The following CELSR1 variants were observed in gnomAD, a reference collection of about 807,000 sequenced individuals.
CELSR1 encodes cadherin EGF LAG seven-pass G-type receptor 1.
In CELSR1, 110 loss-of-function variants were observed where a neutral mutation model predicts 249.1. That is an observed-to-expected ratio of 0.44 (90% confidence interval 0.38 to 0.52). CELSR1 has a LOEUF of 0.52. Ranked by LOEUF, CELSR1 falls within the 20% of genes least tolerant of loss-of-function variation. The pLI is 0.00. For missense variants in CELSR1, 4,109 were observed against 4,296.4 expected, an observed-to-expected ratio of 0.96 and a Z score of 1.22; for synonymous variants, 2,113 against 1,900.0, an observed-to-expected ratio of 1.11 and a Z score of -2.92.
In CELSR1 at chr22:46,373,322, T is replaced by G. The variant is rs1192700507; in HGVS notation, c.7585-265A>C. On this transcript the variant is annotated intron_variant, in intron 24 of 34. Transcript: ENST00000674500. ...TGTGAGAATGACAGAGAGAGACTAG[T>G]CTCTGAGGCCATGAACACAAACCCA... is the stretch of plus-strand genomic sequence containing the variant. Among the ~76,000 whole-genome samples the G allele has an allele frequency of 2.6e-5, 4 of 151,744 alleles. No homozygotes were observed. In the East Asian group the frequency reaches 7.8e-4, roughly 30 times the overall value.
At position 46,411,788 on chromosome 22, in the gene CELSR1, C is replaced by T. The variant is rs1375395066; in HGVS notation, c.4612-29G>A. Reference sequence around the variant, plus strand: ...TAAGAAGAGAAAGCACAGAAGGTGTCAGCGTTTTCTCCACCAGTGCCCTCA... The same window carrying T: ...TAAGAAGAGAAAGCACAGAAGGTGTTAGCGTTTTCTCCACCAGTGCCCTCA... On this transcript the variant is annotated intron_variant, in intron 5 of 34. Coordinates refer to ENST00000674500, the MANE Select transcript of CELSR1 (RefSeq NM_001378328.1). This position sits in a 1 kb window ranked among gnomAD's most constrained non-coding sequence, Gnocchi z 4.2. 6.2e-7 allele frequency: 1 copy of T among 1,612,746 alleles called. No individual in the cohort carries two copies. The highest frequency in any genetic ancestry group is 8.5e-7 in the Non-Finnish European group (1 of 1,179,924).
intron 1 of CELSR1, among the ~76,000 whole-genome samples, chr22:46,492,003 C>T (rs774688649): frequency 1.4e-4 from 21 of 152,228 alleles, no homozygotes; most frequent in Non-Finnish European, 2.6e-4. Context: ...GTCTGTTTCA[C>T]CAGCACCTCG....
intron 27 of CELSR1, among the ~76,000 whole-genome samples, chr22:46,368,129 A>G (rs1054136416): frequency 1.3e-5 from 2 of 152,186 alleles, no homozygotes; most frequent in Non-Finnish European, 2.9e-5. Flanking sequence ...GGACTACACC[A>G]GGCCAAGGGG....
At chr22:46,520,626 A>G (rs1484057346) in intron 1 of CELSR1, among the ~76,000 whole-genome samples, 1 of 151,734 alleles carries the variant, frequency 6.6e-6, no homozygotes, top group Non-Finnish European at 1.5e-5. Context: ...AGGCCCAGCT[A>G]ATTTTTTGCA....
rs1057479596 is a variant in CELSR1 at position 46,362,930 on chromosome 22, A to T, written c.*293T>A. ...CAGTTCTGGCTTTGACTGCAGTCTT[A>T]GGACTCAGCGGTGCTGGCCCAGTGG... On this transcript the variant is annotated 3_prime_UTR_variant, in exon 35 of 35. Coordinates refer to ENST00000674500, the MANE Select transcript of CELSR1 (RefSeq NM_001378328.1). 3 of 563,706 alleles carry T rather than the reference A, an allele frequency of 5.3e-6. No individual in the cohort carries two copies. Among genetic ancestry groups the T allele is most frequent in the Non-Finnish European group, 6.3e-6 (2 of 317,196 alleles). The allele number at this position is 563,706 out of a possible 1,614,324, so 34.9% of individuals were successfully genotyped here. A position where few individuals can be genotyped will look rare whatever the true frequency, so the allele number is the denominator to read the frequency against.
At chr22:46,502,078 A>C (rs2080471357) in intron 1 of CELSR1, among the ~76,000 whole-genome samples, 1 of 151,800 alleles carries the variant, frequency 6.6e-6, no homozygotes, top group Non-Finnish European at 1.5e-5. Context: ...CAGTCCAGGC[A>C]ATGTAGCAAG....
chr22:46,422,937 G>T (rs897868814), intron 5 of CELSR1, among the ~76,000 whole-genome samples: 1 of 152,068 alleles, frequency 6.6e-6, no homozygotes, highest in Non-Finnish European at 1.5e-5. Flanking sequence ...TTGCTATAAG[G>T]GCCACGATGA....
intron 23 of CELSR1, among the ~76,000 whole-genome samples, chr22:46,377,822 C>A (rs1176920685): frequency 6.6e-6 from 1 of 152,242 alleles, no homozygotes; most frequent in Non-Finnish European, 1.5e-5. Context: ...AGGGCTGACT[C>A]ACCCTTCCAA....
chr22:46,483,575 G>A (rs899300839), intron 1 of CELSR1, among the ~76,000 whole-genome samples: 10 of 152,096 alleles, frequency 6.6e-5, no homozygotes, highest in Non-Finnish European at 1.3e-4. Context: ...CAGTAAAACC[G>A]GGTGATTGGA....
rs1314099571 is a variant in CELSR1 at position 46,512,038 on chromosome 22, C to T, written c.3544+21589G>A. On this transcript the variant is annotated intron_variant, in intron 1 of 34. Transcript: ENST00000674500. This position sits in a 1 kb window ranked among gnomAD's most constrained non-coding sequence, Gnocchi z 5.2. Reference sequence around the variant, plus strand: ...GCTGCCTCCGAGAAACGCAGCAAGTCATTCAGGTTCTGGGGTCCTGAAGTG... The same window carrying T: ...GCTGCCTCCGAGAAACGCAGCAAGTTATTCAGGTTCTGGGGTCCTGAAGTG... 2.0e-5 allele frequency among the ~76,000 whole-genome samples: 3 copies of T among 152,056 alleles called. No homozygotes were observed. The highest frequency in any genetic ancestry group is 6.5e-5 in the Admixed American group (1 of 15,270).
At position 46,361,767 on chromosome 22, in the gene CELSR1, T is replaced by A. The variant is rs1391758510; in HGVS notation, c.*1456A>T. The A allele has an allele frequency of 2.0e-5, 3 of 152,244 alleles. No individual in the cohort carries two copies. Among genetic ancestry groups the A allele is most frequent in the Non-Finnish European group, 4.4e-5 (3 of 68,034 alleles). 9.4% of individuals were successfully genotyped at this position (152,244 alleles called of 1,614,324 possible). ...TTTACTTGATTTTCATCCTATTTTATGGTTTCTCCTATTTGGAAGCAGCTG... is the reference window on the plus strand; with the variant it reads ...TTTACTTGATTTTCATCCTATTTTAAGGTTTCTCCTATTTGGAAGCAGCTG... On this transcript the variant is annotated 3_prime_UTR_variant, in exon 35 of 35. Transcript: ENST00000674500.
chr22:46,482,443 G>T (rs1181033853), intron 1 of CELSR1, among the ~76,000 whole-genome samples: 1 of 152,176 alleles, frequency 6.6e-6, no homozygotes, highest in Non-Finnish European at 1.5e-5. Context: ...GCAAAGACCT[G>T]TGTAGCTCTT....
intron 1 of CELSR1, among the ~76,000 whole-genome samples, chr22:46,523,453 G>A (rs1602239235): frequency 6.6e-6 from 1 of 152,148 alleles, no homozygotes; most frequent in Admixed American, 6.5e-5. Context: ...GCTTGAACTT[G>A]TGAGGCGGAG....
At chr22:46,458,670 C>G (rs983205921) in intron 2 of CELSR1, among the ~76,000 whole-genome samples, 3 of 152,178 alleles carry the variant, frequency 2.0e-5, no homozygotes, top group Admixed American at 1.3e-4. Context: ...GCATCTGACC[C>G]TCCCAGGAGC....
Position 46,537,247 on chromosome 22 carries a change from G to C in CELSR1, c.-77C>G, listed in dbSNP as rs1859499342. 2.0e-6 allele frequency: 2 copies of C among 1,010,388 alleles called. No homozygotes were observed. Among genetic ancestry groups the C allele is most frequent in the African/African-American group, 3.5e-5 (2 of 57,406 alleles). The allele number at this position is 1,010,388 out of a possible 1,614,324, so 62.6% of individuals were successfully genotyped here. A position where few individuals can be genotyped will look rare whatever the true frequency, so the allele number is the denominator to read the frequency against. Reference sequence around the variant, plus strand: ...GCGCGCCTCCGCATCCACCCGGCGAGGCCGGGGAGCGGCTCCCGGGCGCCC... The same window carrying C: ...GCGCGCCTCCGCATCCACCCGGCGACGCCGGGGAGCGGCTCCCGGGCGCCC... On this transcript the variant is annotated 5_prime_UTR_variant, in exon 1 of 35. Coordinates refer to ENST00000674500, the MANE Select transcript of CELSR1 (RefSeq NM_001378328.1). The surrounding 1 kb of genome is among the most constrained non-coding windows in gnomAD (Gnocchi z 5.8).
Position 46,488,668 on chromosome 22 carries a change from T to A in CELSR1, c.3545-24323A>T, listed in dbSNP as rs1308482570. On this transcript the variant is annotated intron_variant, in intron 1 of 34. Transcript: ENST00000674500. The surrounding 1 kb of genome is among the most constrained non-coding windows in gnomAD (Gnocchi z 4.7). ...ACTCCCGTGCCACAGCCCTGCCCTT[T>A]TTTTTTTTTGAGACGGAGTCTTGCT... 6.6e-6 allele frequency among the ~76,000 whole-genome samples: 1 copy of A among 150,610 alleles called. No individual in the cohort carries two copies. Among genetic ancestry groups the A allele is most frequent in the Admixed American group, 6.6e-5 (1 of 15,106 alleles).
rs530610673 is a variant in CELSR1 at position 46,514,078 on chromosome 22, C to A, written c.3544+19549G>T. On this transcript the variant is annotated intron_variant, in intron 1 of 34. Transcript: ENST00000674500. ...AAAGTGCTGGTATTACAGGCACGAGCCACCGCACCCGGCCCTCATTTGTAA... is the reference window on the plus strand; with the variant it reads ...AAAGTGCTGGTATTACAGGCACGAGACACCGCACCCGGCCCTCATTTGTAA... Among the ~76,000 whole-genome samples the A allele has an allele frequency of 6.6e-5, 10 of 152,256 alleles. 1 individual carries two copies. In the East Asian group the frequency reaches 1.9e-3, roughly 29 times the overall value.
rs907317719 is a variant in CELSR1 at position 46,378,483 on chromosome 22, C to G, written c.7383+108G>C. Reference sequence around the variant, plus strand: ...GAGGGGACAGATTTGGGGGCAGGCTCAGCAGGTTTGAGGACGGGCAGGTTT... The same window carrying G: ...GAGGGGACAGATTTGGGGGCAGGCTGAGCAGGTTTGAGGACGGGCAGGTTT... On this transcript the variant is annotated intron_variant, in intron 23 of 34. Coordinates refer to ENST00000674500, the MANE Select transcript of CELSR1 (RefSeq NM_001378328.1). 7 of 1,265,180 alleles carry G rather than the reference C, an allele frequency of 5.5e-6. No homozygotes were observed. In the South Asian group the frequency reaches 8.1e-5, roughly 15 times the overall value. 78.4% of individuals were successfully genotyped at this position (1,265,180 alleles called of 1,614,324 possible).
chr22:46,418,735 G>A (rs2079431730), intron 5 of CELSR1, among the ~76,000 whole-genome samples: 2 of 152,160 alleles, frequency 1.3e-5, no homozygotes, highest in South Asian at 4.1e-4. Context: ...GCTTATTGTG[G>A]GAGCATTAGA....
Sources: allele counts gnomAD v4.1 joint callset (sites outside exome capture counted in the v4.1 genomes callset), GRCh38; gene constraint gnomAD v4.1.1; non-coding constraint Gnocchi (gnomAD v3.1); transcripts MANE v1.5; gene names NCBI Gene and HGNC (gene_info 2026-07-23, HGNC 2026-07-21).